Variants in CMTM7 observed in about 807,000 individuals in gnomAD.
The protein encoded by CMTM7 is CKLF-like MARVEL transmembrane domain-containing protein 7.
CMTM7 carries 7 observed loss-of-function variants against 19.3 expected under a neutral mutation model. The observed-to-expected ratio is 0.36, with a 90% confidence interval of 0.21 to 0.68. CMTM7 has a LOEUF of 0.68. Ranked by LOEUF, CMTM7 falls within the 30% of genes least tolerant of loss-of-function variation. CMTM7 has a pLI of 0.60. For missense variants in CMTM7, 193 were observed against 232.6 expected, an observed-to-expected ratio of 0.83 and a Z score of 1.11; for synonymous variants, 87 against 99.3, an observed-to-expected ratio of 0.88 and a Z score of 0.74.
rs149342668 is a variant in CMTM7, at chr3:32,441,833, G to A, written c.160-7G>A. The A allele has an allele frequency of 8.1e-4, 1,301 of 1,613,398 alleles. 13 individuals are homozygous for A. In the African/African-American group the frequency reaches 0.015, roughly 19 times the overall value. On this transcript the variant is annotated splice_region_variant and splice_polypyrimidine_tract_variant and intron_variant, in intron 1 of 4. Coordinates refer to ENST00000334983, the MANE Select transcript of CMTM7 (RefSeq NM_138410.4). ...GCATTTCTCTGATGTCTCTATTTAT[G>A]TGGCAGGTCACCCTGCTGATTGCCT...
intron 1 of CMTM7, among the ~76,000 whole-genome samples, chr3:32,401,090 C>G (rs974544739): frequency 6.6e-6 from 1 of 152,174 alleles, no homozygotes; most frequent in Non-Finnish European, 1.5e-5. Context: ...AAGCTGTAAT[C>G]ATATTTTTGG....
chr3:32,449,337 G>C lies in CMTM7; in HGVS notation c.334-117G>C. ...GCTCATCCCATTTGCGTGTTGCAAG[G>C]GAGAAGAGGAAGCGTCACTCTCTCC... On this transcript the variant is annotated intron_variant, in intron 2 of 4. Coordinates refer to ENST00000334983, the MANE Select transcript of CMTM7 (RefSeq NM_138410.4). The surrounding 1 kb of genome is among the most constrained non-coding windows in gnomAD (Gnocchi z 4.5). 2.5e-6 allele frequency: 2 copies of C among 792,578 alleles called. No homozygotes were observed. The highest frequency in any genetic ancestry group is 4.5e-6 in the Non-Finnish European group (2 of 440,414). 49.1% of individuals were successfully genotyped at this position (792,578 alleles called of 1,614,324 possible).
At position 32,416,361 on chromosome 3, in the gene CMTM7, A is replaced by AT. The variant is rs58085712; in HGVS notation, c.159+24332dup. On this transcript the variant is annotated intron_variant, in intron 1 of 4. Transcript: ENST00000334983. ...CAGACGTGCGCCACCATCCGGGCTA[A>AT]TTTTTTTTTTTTTTTTTTTTTTTTT... Among the ~76,000 whole-genome samples the AT allele has an allele frequency of 6.5e-3, 472 of 72,378 alleles. 42 individuals are homozygous for AT. The highest frequency in any genetic ancestry group is 7.9e-3 in the African/African-American group (135 of 16,984). 47.5% of individuals were successfully genotyped at this position (72,378 alleles called of 152,430 possible). A position where few individuals can be genotyped will look rare whatever the true frequency, so the allele number is the denominator to read the frequency against.
intron 3 of CMTM7, among the ~76,000 whole-genome samples, chr3:32,450,458 AC>A (rs1294776770): frequency 3.3e-5 from 5 of 152,200 alleles, no homozygotes; most frequent in African/African-American, 1.2e-4. Context: ...TCTTTCACTT[AC>A]GTATATTACC....
chr3:32,404,161 TC>T (rs1409028307), intron 1 of CMTM7, among the ~76,000 whole-genome samples: 16 of 71,044 alleles, frequency 2.3e-4, no homozygotes, highest in Middle Eastern at 6.1e-3. Context: ...TCTTTTTTTT[TC>T]TTTTTTTTTT....
At chr3:32,439,384 G>A (rs2125638692) in intron 1 of CMTM7, among the ~76,000 whole-genome samples, 1 of 152,200 alleles carries the variant, frequency 6.6e-6, no homozygotes, top group South Asian at 2.1e-4. Context: ...AGCAACAAGG[G>A]GCTTTAGAAA....
chr3:32,453,521 A>C (rs1199235644), intron 4 of CMTM7, among the ~76,000 whole-genome samples: 1 of 152,212 alleles, frequency 6.6e-6, no homozygotes, highest in Non-Finnish European at 1.5e-5. Context: ...CCATCGCATG[A>C]CTGTGCAGTT....
At chr3:32,426,956 C>T (rs1177631041) in intron 1 of CMTM7, among the ~76,000 whole-genome samples, 1 of 152,206 alleles carries the variant, frequency 6.6e-6, no homozygotes, top group Non-Finnish European at 1.5e-5. Flanking sequence ...TATATACTTA[C>T]TTTGTGTCAA....
intron 1 of CMTM7, among the ~76,000 whole-genome samples, chr3:32,409,752 GAAAGA>G (rs1696144436): frequency 6.6e-6 from 1 of 152,188 alleles, no homozygotes; most frequent in South Asian, 2.1e-4. Context: ...AGAAGACAAA[GAAAGA>G]AAAGAAATCA....
intron 3 of CMTM7, 174 bp from the exon 4 acceptor site, chr3:32,452,218 G>C: frequency 5.3e-6 from 8 of 1,512,994 alleles, no homozygotes; most frequent in Middle Eastern, 1.7e-4. Context: ...TGGGCCTCGC[G>C]GGGCTTCCTC....
intron 1 of CMTM7, among the ~76,000 whole-genome samples, chr3:32,427,097 C>T (rs1268236908): frequency 1.3e-5 from 2 of 152,170 alleles, no homozygotes; most frequent in African/African-American, 2.4e-5. Flanking sequence ...GAAAATGGCA[C>T]CAGCCATTGA....
chr3:32,443,504 A>G (rs1180507687), intron 2 of CMTM7, among the ~76,000 whole-genome samples: 1 of 152,210 alleles, frequency 6.6e-6, no homozygotes, highest in Non-Finnish European at 1.5e-5. Flanking sequence ...CCTTTTGGCT[A>G]TTATGAATAA....
At chr3:32,407,487 T>C (rs1696106349) in intron 1 of CMTM7, among the ~76,000 whole-genome samples, 1 of 152,198 alleles carries the variant, frequency 6.6e-6, no homozygotes, top group Admixed American at 6.5e-5. Flanking sequence ...CGACCACATC[T>C]TTTGTAACTC....
chr3:32,423,829 C>CA (rs1696382203), intron 1 of CMTM7, among the ~76,000 whole-genome samples: 1 of 152,332 alleles, frequency 6.6e-6, no homozygotes, highest in African/African-American at 2.4e-5. Context: ...GCCAGCCCCC[C>CA]AGGTGCAGGT....
At chr3:32,410,952 A>G (rs1696164748) in intron 1 of CMTM7, among the ~76,000 whole-genome samples, 1 of 152,258 alleles carries the variant, frequency 6.6e-6, no homozygotes, top group Non-Finnish European at 1.5e-5. Flanking sequence ...TAAAAGAATC[A>G]AATGCCAGAA....
Position 32,431,437 on chromosome 3 carries a change from T to G in CMTM7, c.160-10403T>G, listed in dbSNP as rs80353145. 1.5e-3 allele frequency among the ~76,000 whole-genome samples: 228 copies of G among 152,120 alleles called. 2 individuals carry two copies. In the East Asian group the frequency reaches 0.026, roughly 18 times the overall value. ...TTTTTTTTAAGCAAGAGACTTGACA[T>G]GAGCAACATATCTAATGGGCTGAGC... On this transcript the variant is annotated intron_variant, in intron 1 of 4. Coordinates refer to ENST00000334983, the MANE Select transcript of CMTM7 (RefSeq NM_138410.4).
intron 1 of CMTM7, among the ~76,000 whole-genome samples, chr3:32,429,693 C>T (rs538655816): frequency 1.3e-5 from 2 of 150,346 alleles, no homozygotes; most frequent in African/African-American, 4.9e-5. Context: ...CTCTGTCTCC[C>T]AGGTTGACGC....
At chr3:32,450,510 G>A (rs1251639278) in intron 3 of CMTM7, among the ~76,000 whole-genome samples, 1 of 152,158 alleles carries the variant, frequency 6.6e-6, no homozygotes, top group Non-Finnish European at 1.5e-5. Flanking sequence ...GTTGGCTCCT[G>A]GAATTCCACT....
chr3:32,411,352 A>C (rs1378438954), intron 1 of CMTM7, among the ~76,000 whole-genome samples: 7 of 152,266 alleles, frequency 4.6e-5, no homozygotes, highest in Admixed American at 4.6e-4. Flanking sequence ...TTGTGAATAT[A>C]TAAAAAGGAA....
Sources: gnomAD v4.1 joint callset for allele counts (sites outside exome capture counted in the v4.1 genomes callset) on GRCh38, gnomAD v4.1.1 for gene constraint, Gnocchi (gnomAD v3.1) non-coding constraint, MANE v1.5 for transcripts, NCBI Gene and HGNC (gene_info 2026-07-23, HGNC 2026-07-21) for gene names.